ZFC3H1: variants seen among roughly 807,000 people sequenced by gnomAD.
ZFC3H1 encodes the protein zinc finger C3H1-type containing.
Under a neutral mutation model 243.7 loss-of-function variants are expected in ZFC3H1, and 71 were observed. The observed-to-expected ratio is 0.29, with a 90% CI of 0.24 to 0.36. The LOEUF is 0.36. Ranked by LOEUF, ZFC3H1 falls within the 10% of genes least tolerant of loss-of-function variation. The probability of loss-of-function intolerance (pLI) is 1.00; values close to 1 mark genes in which losing one functional copy is unlikely to be tolerated. For synonymous variants in ZFC3H1, 838 were observed against 813.0 expected, an observed-to-expected ratio of 1.03 and a Z score of -0.52; for missense variants, 1,966 against 2,317.1, an observed-to-expected ratio of 0.85 and a Z score of 3.11.
rs1446005631 is a variant in ZFC3H1, at chr12:71,630,906, T to C, written c.3519A>G (p.Val1173=). The change falls in exon 17 of 35, where the codon GTA becomes GTG. Residue 1173 remains valine (V), a synonymous_variant. Coordinates refer to ENST00000378743, the MANE Select transcript of ZFC3H1 (RefSeq NM_144982.5). ...RTKEKLPLSS[V]SYSNMIEPDQ... ...CCGGTTCAATCATATTACTGTATGA[T>C]ACTGAGCTCAGGGGAAGTTTTTCCT... 9 of 1,613,064 alleles carry C rather than the reference T, an allele frequency of 5.6e-6. No individual in the cohort carries two copies. The highest frequency in any genetic ancestry group is 6.8e-6 in the Non-Finnish European group (8 of 1,179,380).
intron 14 of ZFC3H1, 105 bp downstream of exon 14, chr12:71,632,781 T>C: frequency 6.8e-7 from 1 of 1,480,884 alleles, no homozygotes; most frequent in Non-Finnish European, 9.1e-7. Flanking sequence ...TCTTAATCTC[T>C]TGGAATTTAC....
chr12:71,647,573 A>G (rs1007161768), intron 3 of ZFC3H1, among the ~76,000 whole-genome samples, 176 bp downstream of exon 3: 4 of 152,220 alleles, frequency 2.6e-5, no homozygotes, highest in Admixed American at 6.5e-5. Flanking sequence ...ACCCAGGGAA[A>G]AGAGACTGCA....
chr12:71,663,013 A>C lies in ZFC3H1; in HGVS notation c.598T>G (p.Ser200Ala). 1 of 1,597,978 alleles carries C rather than the reference A, an allele frequency of 6.3e-7. No homozygotes were observed. The highest frequency in any genetic ancestry group is 2.2e-5 in the East Asian group (1 of 44,644). ...GCGCCGACCGCCACGTTAAGGATACAGCTCTTCCGAGGTGGAGAGGGCTCT... is the reference window on the plus strand; with the variant it reads ...GCGCCGACCGCCACGTTAAGGATACCGCTCTTCCGAGGTGGAGAGGGCTCT... ...WREPSPPRKS[S>A]KSFGRSPSRK... is the part of the protein sequence containing the mutation. The change falls in exon 1 of 35, where the codon TCC (serine) becomes GCC (alanine). Residue 200 changes from serine to alanine, a missense_variant and splice_region_variant. Physicochemically the swap from Ser to Ala is moderately conservative, Grantham distance 99. Around this residue, in one of 4 missense-constraint regions of ZFC3H1, gnomAD observed 484 missense variants for 449.7 expected, o/e 1.08. Transcript: ENST00000378743.
intron 5 of ZFC3H1, 116 bp downstream of exon 5, chr12:71,643,979 T>C: frequency 6.7e-6 from 6 of 894,290 alleles, no homozygotes; most frequent in Non-Finnish European, 1.0e-5. Context: ...TAACCTACCT[T>C]CCTTTTTTCC....
intron 27 of ZFC3H1, among the ~76,000 whole-genome samples, chr12:71,618,980 T>TA (rs1049763522): frequency 1.3e-5 from 2 of 152,214 alleles, no homozygotes; most frequent in African/African-American, 2.4e-5. Context: ...ATACATTTTG[T>TA]AAAAAATCAC....
intron 5 of ZFC3H1, among the ~76,000 whole-genome samples, chr12:71,643,283 G>A (rs773347450): frequency 1.3e-5 from 2 of 151,964 alleles, no homozygotes; most frequent in Non-Finnish European, 2.9e-5. Context: ...CATGGTGGTG[G>A]GTGCCTGTAA....
intron 22 of ZFC3H1, among the ~76,000 whole-genome samples, chr12:71,625,593 G>A (rs1189151472): frequency 2.0e-5 from 3 of 152,144 alleles, no homozygotes; most frequent in African/African-American, 4.8e-5. Flanking sequence ...TCAGGAGGCT[G>A]AGTCCAGGAG....
At position 71,632,974 on chromosome 12, in the gene ZFC3H1, G is replaced by C. The variant is rs916776771; in HGVS notation, c.2729C>G (p.Thr910Ser). Residue 910 changes from threonine (T) to serine (S), a missense_variant, in exon 14 of 35, where the codon ACT becomes AGT. By Grantham distance (58) the Thr-to-Ser change is moderately conservative. Coordinates refer to ENST00000378743, the MANE Select transcript of ZFC3H1 (RefSeq NM_144982.5). The part of the protein sequence containing the change: ...QQRVTIKKAL[T>S]LKYGEELARA... ...AGCAAGCTCTTCTCCATATTTTAGA[G>C]TCAAAGCTTTCTTAATTGTAACACG... is the stretch of plus-strand genomic sequence containing the variant. 1.2e-6 allele frequency: 2 copies of C among 1,612,854 alleles called. No individual in the cohort carries two copies. The highest frequency in any genetic ancestry group is 1.7e-5 in the Admixed American group (1 of 59,754).
intron 2 of ZFC3H1, among the ~76,000 whole-genome samples, chr12:71,652,607 TA>T (rs1354166041): frequency 6.6e-6 from 1 of 152,248 alleles, no homozygotes; most frequent in Non-Finnish European, 1.5e-5. Context: ...GAAACCTTTC[TA>T]AATCCAGGTG....
intron 27 of ZFC3H1, among the ~76,000 whole-genome samples, chr12:71,617,553 G>A (rs1879921278): frequency 6.6e-6 from 1 of 152,128 alleles, no homozygotes; most frequent in African/African-American, 2.4e-5. Context: ...AGTTACCAAG[G>A]CAGAAATTGG....
At chr12:71,642,712 AT>A (rs1299718015) in intron 5 of ZFC3H1, among the ~76,000 whole-genome samples, 153 bp from the exon 6 acceptor site, 2 of 152,230 alleles carry the variant, frequency 1.3e-5, no homozygotes, top group Non-Finnish European at 2.9e-5. Context: ...TTCAATTCAA[AT>A]GATAGGTACA....
chr12:71,638,442 A>T lies in ZFC3H1; in HGVS notation c.1701T>A (p.Ser567=), dbSNP rs1166391572. ...CAGAAACCTGAGGTGGTGGAGGCAA[A>T]GAAAGAGATGGTGCTGGAGAAAAAT... ...LGYFSPAPSL[S]LPPPPQVSSL... is the part of the protein sequence containing the mutation. Residue 567 remains serine (S), a synonymous_variant, in exon 7 of 35, where the codon TCT becomes TCA. Coordinates refer to ENST00000378743, the MANE Select transcript of ZFC3H1 (RefSeq NM_144982.5). The T allele has an allele frequency of 6.2e-6, 10 of 1,613,016 alleles. No individual in the cohort carries two copies. Among genetic ancestry groups the T allele is most frequent in the East Asian group, 2.2e-5 (1 of 44,810 alleles).
chr12:71,620,478 G>A (rs1328289847), intron 24 of ZFC3H1, among the ~76,000 whole-genome samples, 163 bp from the exon 25 acceptor site: 1 of 152,108 alleles, frequency 6.6e-6, no homozygotes, highest in Non-Finnish European at 1.5e-5. Flanking sequence ...TTTACTCAAA[G>A]GAAGTAATTC....
In ZFC3H1 at chr12:71,614,667, T is replaced by C. The variant is rs775719183; in HGVS notation, c.5394A>G (p.Gly1798=). 2.5e-6 allele frequency: 4 copies of C among 1,610,112 alleles called. No homozygotes were observed. The highest frequency in any genetic ancestry group is 2.5e-6 in the Non-Finnish European group (3 of 1,178,808). ...TGAATTCTTGAACTTTGTTTCTGGA[T>C]CCAGCAGCTCTATTATTTGCAAAGA... ...YLVFANNRAA[G]SRNKVQEFKF... is the part of the protein sequence containing the mutation. The change falls in exon 30 of 35, where the codon GGA becomes GGG. Residue 1798 remains glycine (G), a synonymous_variant. Transcript: ENST00000378743.
At chr12:71,616,016 G>A (rs552904641) in intron 27 of ZFC3H1, among the ~76,000 whole-genome samples, 5 of 152,236 alleles carry the variant, frequency 3.3e-5, no homozygotes, top group South Asian at 2.1e-4. Context: ...AAGGCCTGGG[G>A]CTGTGGCTCA....
chr12:71,642,616 AC>A, intron 5 of ZFC3H1, 57 bp from the exon 6 acceptor site: 2 of 1,546,366 alleles, frequency 1.3e-6, no homozygotes, highest in South Asian at 2.5e-5. Context: ...GTTACAAATC[AC>A]AAAAGAACTG....
chr12:71,640,355 C>A (rs1277524011), intron 6 of ZFC3H1, among the ~76,000 whole-genome samples: 1 of 152,174 alleles, frequency 6.6e-6, no homozygotes, highest in East Asian at 1.9e-4. Context: ...AAGAAGCTGA[C>A]AGAACTTGTG....
In ZFC3H1 at chr12:71,634,838, A is replaced by AAC; in HGVS notation, c.2239-14_2239-13insGT. ...GTTTTGAAGCTTGCTAAAAAAAAAA[A>AAC]AACATTTGAAGTCAACTAGATCATC... On this transcript the variant is annotated splice_polypyrimidine_tract_variant and intron_variant, in intron 10 of 34. Transcript: ENST00000378743. 1.3e-6 allele frequency: 2 copies of AAC among 1,577,622 alleles called. No homozygotes were observed. Among genetic ancestry groups the AAC allele is most frequent in the East Asian group, 4.5e-5 (2 of 44,536 alleles).
chr12:71,614,396 C>T, intron 30 of ZFC3H1, 139 bp downstream of exon 30: 1 of 736,302 alleles, frequency 1.4e-6, no homozygotes, highest in Non-Finnish European at 2.0e-6. Flanking sequence ...AAATAAGAAA[C>T]ATAGTCAAGA....
Sources: allele counts gnomAD v4.1 joint callset (sites outside exome capture counted in the v4.1 genomes callset), GRCh38; gene constraint gnomAD v4.1.1; regional missense constraint gnomAD v4.1.1; transcripts MANE v1.5; gene names NCBI Gene and HGNC (gene_info 2026-07-23, HGNC 2026-07-21).